Variants in ISY1 observed in about 807,000 individuals in gnomAD.
ISY1 encodes the protein pre-mRNA-splicing factor ISY1 homolog.
Under a neutral mutation model 54.4 loss-of-function variants are expected in ISY1, and 12 were observed. That is an observed-to-expected ratio of 0.22 (90% CI 0.14 to 0.36). The LOEUF (loss-of-function observed/expected upper bound fraction) is 0.36. Ranked by LOEUF, ISY1 falls within the 10% of genes least tolerant of loss-of-function variation. The pLI, the probability that ISY1 is intolerant of heterozygous loss-of-function variation, is 1.00. For synonymous variants in ISY1, 96 were observed against 117.9 expected (o/e 0.81, Z 1.20); for missense variants, 282 against 342.2 (o/e 0.82, Z 1.39).
At chr3:129,148,967 TC>T (rs1421217074) in intron 5 of ISY1, among the ~76,000 whole-genome samples, 1 of 152,190 alleles carries the variant, frequency 6.6e-6, no homozygotes, top group African/African-American at 2.4e-5. Flanking sequence ...TTATTTGTCA[TC>T]CCCTTCTCCA....
intron 9 of ISY1, among the ~76,000 whole-genome samples, chr3:129,131,506 G>A (rs915192847): frequency 6.6e-6 from 1 of 152,176 alleles, no homozygotes; most frequent in African/African-American, 2.4e-5. Flanking sequence ...AGCTTCTGGC[G>A]CTGTGGTCCT....
In ISY1 at chr3:129,160,475, A is replaced by G. The variant is rs774055373; in HGVS notation, c.3+498T>C. On this transcript the variant is annotated intron_variant, in intron 1 of 10. Transcript: ENST00000393295. ...TCTGTCTATGCCATTCATTTATTCAATAGTTATTGAACATCTGCAACGACT... is the reference window on the plus strand; with the variant it reads ...TCTGTCTATGCCATTCATTTATTCAGTAGTTATTGAACATCTGCAACGACT... Among the ~76,000 whole-genome samples the G allele has an allele frequency of 1.2e-3, 175 of 152,158 alleles. 1 individual carries two copies. Among genetic ancestry groups the G allele is most frequent in the Middle Eastern group, 3.4e-3 (1 of 294 alleles).
chr3:129,140,259 T>C (rs1936566815), intron 7 of ISY1, 109 bp downstream of exon 7: 1 of 929,414 alleles, frequency 1.1e-6, no homozygotes, highest in African/African-American at 1.7e-5. Context: ...TCCTACACTA[T>C]AAGGCTGTTA....
intron 5 of ISY1, among the ~76,000 whole-genome samples, chr3:129,146,399 G>A (rs2107611407): frequency 6.6e-6 from 1 of 152,294 alleles, no homozygotes; most frequent in Non-Finnish European, 1.5e-5. Context: ...ATTTCACTGT[G>A]GTGCAGCTGG....
intron 7 of ISY1, among the ~76,000 whole-genome samples, chr3:129,137,352 C>A (rs1298717020): frequency 6.6e-6 from 1 of 152,092 alleles, no homozygotes; most frequent in Non-Finnish European, 1.5e-5. Context: ...GTAAAATTCA[C>A]TTATGCATTT....
In ISY1 at chr3:129,130,060, A is replaced by C. The variant is rs774182619; in HGVS notation, c.*21T>G. On this transcript the variant is annotated 3_prime_UTR_variant, in exon 11 of 11. Coordinates refer to ENST00000393295, the MANE Select transcript of ISY1 (RefSeq NM_020701.4). The stretch of plus-strand genomic sequence containing the variant: ...TACCACTGGGGGATGGAAGAACTCC[A>C]AGGAGAGCCCCAGCTGGGTCCTAAT... 6.4e-7 allele frequency: 1 copy of C among 1,551,974 alleles called. No homozygotes were observed. Among genetic ancestry groups the C allele is most frequent in the Non-Finnish European group, 8.7e-7 (1 of 1,153,904 alleles).
At chr3:129,147,112 C>T (rs1270135802) in intron 5 of ISY1, among the ~76,000 whole-genome samples, 1 of 150,680 alleles carries the variant, frequency 6.6e-6, no homozygotes, top group East Asian at 2.0e-4. Flanking sequence ...CGGTGGCTCA[C>T]ACCTGTAATC....
intron 6 of ISY1, 147 bp from the exon 7 acceptor site, chr3:129,140,632 G>T: frequency 1.2e-6 from 1 of 837,858 alleles, no homozygotes; most frequent in Non-Finnish European, 1.8e-6. Context: ...CTGGAGTGCA[G>T]TAGCACAATC....
intron 9 of ISY1, among the ~76,000 whole-genome samples, chr3:129,131,807 A>G (rs1184903722): frequency 6.6e-6 from 1 of 152,172 alleles, no homozygotes; most frequent in Non-Finnish European, 1.5e-5. Flanking sequence ...AGAGATGGTG[A>G]GGACAGGGAG....
chr3:129,143,207 T>C (rs1035599337), intron 6 of ISY1, among the ~76,000 whole-genome samples: 1 of 151,750 alleles, frequency 6.6e-6, no homozygotes, highest in Non-Finnish European at 1.5e-5. Flanking sequence ...GAGTAAAATC[T>C]TGTCACAAAA....
chr3:129,160,848 C>T (rs1035858219), intron 1 of ISY1, 125 bp downstream of exon 1: 2 of 1,234,954 alleles, frequency 1.6e-6, no homozygotes, highest in Admixed American at 4.4e-5. Context: ...CTCGTTACAC[C>T]AAGGAACTTG....
intron 5 of ISY1, among the ~76,000 whole-genome samples, chr3:129,147,562 C>T (rs1274881103): frequency 1.3e-5 from 2 of 151,998 alleles, no homozygotes; most frequent in Non-Finnish European, 2.9e-5. Context: ...TTCCAGAAGC[C>T]TCTCCCAAAG....
At chr3:129,157,046 G>C in intron 3 of ISY1, 126 bp from the exon 4 acceptor site, 1 of 1,022,434 alleles carries the variant, frequency 9.8e-7, no homozygotes, top group Non-Finnish European at 1.4e-6. Context: ...TTTCATTCCA[G>C]ATGATCCTCA....
chr3:129,140,267 T>C lies in ISY1; in HGVS notation c.418+101A>G, dbSNP rs1158475080. 6 of 1,004,526 alleles carry C rather than the reference T, an allele frequency of 6.0e-6. No individual in the cohort carries two copies. The Admixed American group carries it at 9.6e-5, about 16-fold the overall frequency. 62.2% of individuals were successfully genotyped at this position (1,004,526 alleles called of 1,614,324 possible). ...CAATAATTCCTACACTATAAGGCTG[T>C]TATGCAACTAAGAAAAAAAAGTAAG... On this transcript the variant is annotated intron_variant, in intron 7 of 10. Transcript: ENST00000393295.
chr3:129,156,716 T>C, intron 4 of ISY1, 41 bp from the exon 5 acceptor site: 4 of 1,571,532 alleles, frequency 2.5e-6, no homozygotes, highest in Non-Finnish European at 3.5e-6. Flanking sequence ...TTTTTGAATA[T>C]GTTAGAAAGC....
chr3:129,159,310 T>G, intron 1 of ISY1, 134 bp from the exon 2 acceptor site: 1 of 1,179,054 alleles, frequency 8.5e-7, no homozygotes. Context: ...TGAACAACAA[T>G]AAACAAAAAT....
At chr3:129,134,359 G>C (rs905936835) in intron 8 of ISY1, among the ~76,000 whole-genome samples, 164 bp from the exon 9 acceptor site, 1 of 152,224 alleles carries the variant, frequency 6.6e-6, no homozygotes, top group Non-Finnish European at 1.5e-5. Flanking sequence ...AAGCATGGTA[G>C]TCCTACAACA....
At chr3:129,140,297 G>A in intron 7 of ISY1, 71 bp downstream of exon 7, 1 of 1,360,420 alleles carries the variant, frequency 7.4e-7, no homozygotes, top group Non-Finnish European at 1.0e-6. Context: ...AGTAAGAGCA[G>A]TTAGCATATA....
At chr3:129,136,651 G>A (rs1321485703) in intron 7 of ISY1, among the ~76,000 whole-genome samples, 6 of 144,550 alleles carry the variant, frequency 4.2e-5, no homozygotes, top group African/African-American at 1.5e-4. Context: ...TTACAGGCAC[G>A]CACCACCACG....
Sources: gnomAD v4.1 joint callset for allele counts (sites outside exome capture counted in the v4.1 genomes callset) on GRCh38, gnomAD v4.1.1 for gene constraint, MANE v1.5 for transcripts, NCBI Gene and HGNC (gene_info 2026-07-23, HGNC 2026-07-21) for gene names.